ATP2B3: variants seen among roughly 807,000 people sequenced by gnomAD.
The protein encoded by ATP2B3 is plasma membrane calcium-transporting ATPase 3.
Under a neutral mutation model 70.8 loss-of-function variants are expected in ATP2B3, and 12 were observed. That is an observed-to-expected ratio of 0.17 (90% confidence interval 0.11 to 0.27). The LOEUF is 0.27. Among genes scored for constraint, ATP2B3 ranks in the 10% least tolerant of loss-of-function variants. The pLI, the probability that ATP2B3 is intolerant of heterozygous loss-of-function variation, is 1.00. For synonymous variants in ATP2B3, 460 were observed against 497.8 expected (o/e 0.92, Z 1.01); for missense variants, 858 against 1,118.5 (o/e 0.77, Z 3.32).
Position 153,535,200 on chromosome X carries a change from G to A in ATP2B3, c.-126-922G>A, listed in dbSNP as rs2090173334. ...GCGGATCCTTGGGTAAGGTGACGGGGACAGGGAGAGGGATGACAACTTTGC... is the reference window on the plus strand; with the variant it reads ...GCGGATCCTTGGGTAAGGTGACGGGAACAGGGAGAGGGATGACAACTTTGC... On this transcript the variant is annotated intron_variant, in intron 2 of 21. Transcript: ENST00000263519. Among the ~76,000 whole-genome samples the A allele has an allele frequency of 2.7e-5, 3 of 113,016 alleles. No homozygotes were observed. In the Admixed American group the frequency reaches 2.8e-4, roughly 10 times the overall value.
At chrX:153,569,727 C>T (rs1557019341) in intron 21 of ATP2B3, 1 of 1,211,839 alleles carries the variant, frequency 8.3e-7, no homozygotes, top group Non-Finnish European at 1.1e-6. Context: ...GCAATTCTCT[C>T]TGCTGCCAAT....
chrX:153,548,146 G>A lies in ATP2B3; in HGVS notation c.1123+147G>A, dbSNP rs2090398492. The A allele has an allele frequency of 3.2e-5, 25 of 784,086 alleles. No individual in the cohort carries two copies. The South Asian group carries it at 7.3e-4, about 23-fold the overall frequency. The allele number at this position is 784,086 out of a possible 1,213,427, so 64.6% of individuals were successfully genotyped here. On this transcript the variant is annotated intron_variant, in intron 9 of 21. Coordinates refer to ENST00000263519, the MANE Select transcript of ATP2B3 (RefSeq NM_001001344.3). ...GCCAGGCAGGCAAGGGCACAGGCCA[G>A]GCCGGCAGTGGCCATCAGGGCCTGG...
intron 2 of ATP2B3, among the ~76,000 whole-genome samples, chrX:153,528,363 G>A (rs1003024190): frequency 1.8e-5 from 2 of 111,813 alleles, no homozygotes; most frequent in African/African-American, 6.5e-5. Flanking sequence ...TGCTATAGAG[G>A]CTGCTGGCAG....
chrX:153,533,931 G>A (rs1316815202), intron 2 of ATP2B3, among the ~76,000 whole-genome samples: 1 of 112,038 alleles, frequency 8.9e-6, no homozygotes, highest in East Asian at 2.8e-4. Flanking sequence ...CACATGCCAG[G>A]GGAGGGCCAC....
chrX:153,532,387 T>C lies in ATP2B3; in HGVS notation c.-126-3735T>C, dbSNP rs1436157722. Among the ~76,000 whole-genome samples the C allele has an allele frequency of 5.3e-5, 6 of 112,607 alleles. No homozygotes were observed. In the East Asian group the frequency reaches 1.7e-3, roughly 32 times the overall value. On this transcript the variant is annotated intron_variant, in intron 2 of 21. Coordinates refer to ENST00000263519, the MANE Select transcript of ATP2B3 (RefSeq NM_001001344.3). The stretch of plus-strand genomic sequence containing the variant: ...CCCCCAAAGCCAGGGAGGGACAACA[T>C]AGGGGAAAGAGGACCCCTGGGTCTC...
At chrX:153,523,029 T>C (rs1205746170) in intron 2 of ATP2B3, among the ~76,000 whole-genome samples, 2 of 111,625 alleles carry the variant, frequency 1.8e-5, no homozygotes, top group Admixed American at 9.5e-5. Context: ...AAATCCAACA[T>C]CTCCATTTGA....
intron 2 of ATP2B3, among the ~76,000 whole-genome samples, chrX:153,534,716 A>G (rs1557003193): frequency 8.9e-6 from 1 of 112,826 alleles, no homozygotes. Flanking sequence ...CATGGCCATC[A>G]TTTTGTCCCC....
chrX:153,576,032 C>T (rs1449347959), intron 21 of ATP2B3, among the ~76,000 whole-genome samples: 1 of 111,975 alleles, frequency 8.9e-6, no homozygotes, highest in Non-Finnish European at 1.9e-5. Context: ...GGGCATCTCT[C>T]CCGGAAGAGT....
chrX:153,558,307 G>T lies in ATP2B3; in HGVS notation c.2625+4G>T, dbSNP rs782133940. 8.4e-7 allele frequency: 1 copy of T among 1,197,395 alleles called. No homozygotes were observed. The highest frequency in any genetic ancestry group is 3.0e-5 in the East Asian group (1 of 33,275). On this transcript the variant is annotated splice_donor_region_variant and intron_variant, in intron 17 of 21. Coordinates refer to ENST00000263519, the MANE Select transcript of ATP2B3 (RefSeq NM_001001344.3). Reference sequence around the variant, plus strand: ...CACAGGTGCCTGCATTACTCAGGTGGGTACTGGGGGCTGCCATGCCCCAGC... The same window carrying T: ...CACAGGTGCCTGCATTACTCAGGTGTGTACTGGGGGCTGCCATGCCCCAGC...
intron 20 of ATP2B3, among the ~76,000 whole-genome samples, chrX:153,563,136 CTTTT>C (rs36131654): frequency 1.3e-3 from 62 of 48,804 alleles, no homozygotes; most frequent in African/African-American, 4.3e-3. Context: ...CTGGCTTTTC[CTTTT>C]TTTTTTTTTT....
At position 153,575,248 on chromosome X, in the gene ATP2B3, G is replaced by A. The variant is rs190356040; in HGVS notation, c.3343-4730G>A. Among the ~76,000 whole-genome samples the A allele has an allele frequency of 3.3e-3, 374 of 112,850 alleles. 1 individual carries two copies. The highest frequency in any genetic ancestry group is 0.01 in the African/African-American group (319 of 31,096). On this transcript the variant is annotated intron_variant, in intron 21 of 21. Transcript: ENST00000263519. ...GTGTGGGCCCCAGACATTCAGCCCC[G>A]TCCACTGAGCCCCTGCTGGGTGCAG...
rs377140065 is a variant in ATP2B3, at chrX:153,541,522, C to T, written c.372C>T (p.Leu124=). ...LEVAAIVSLG[L]SFYAPPGEES... ...TGGCTGCCATCGTCTCTCTGGGCCT[C>T]TCGTTCTATGCGCCGCCAGGAGAGG... Residue 124 remains leucine (L), a synonymous_variant, in exon 4 of 22, where the codon CTC becomes CTT. Transcript: ENST00000263519. 2.7e-5 allele frequency: 33 copies of T among 1,209,835 alleles called. No homozygotes were observed. Among genetic ancestry groups the T allele is most frequent in the Non-Finnish European group, 3.5e-5 (31 of 895,207 alleles).
At position 153,547,454 on chromosome X, in the gene ATP2B3, C is replaced by G. The variant is rs782603487; in HGVS notation, c.959-381C>G. 3.4e-4 allele frequency among the ~76,000 whole-genome samples: 38 copies of G among 111,078 alleles called. 1 individual carries two copies. The highest frequency in any genetic ancestry group is 1.2e-3 in the African/African-American group (36 of 30,541). On this transcript the variant is annotated intron_variant, in intron 8 of 21. Transcript: ENST00000263519. ...AGGGAGGTAGGAGGTGGCTCGGACA[C>G]CAGTAAGCAGATGAGTCAGCTCAGG...
In ATP2B3 at chrX:153,539,963, G is replaced by C. The variant is rs781795423; in HGVS notation, c.209-1396G>C. On this transcript the variant is annotated intron_variant, in intron 3 of 21. Coordinates refer to ENST00000263519, the MANE Select transcript of ATP2B3 (RefSeq NM_001001344.3). ...AGGGACAGGTGGCTCTGATTGTGAA[G>C]GCAAAGCCAATTTGGGGGCTTCTGA... is the stretch of plus-strand genomic sequence containing the variant. 2.7e-5 allele frequency among the ~76,000 whole-genome samples: 3 copies of C among 113,118 alleles called. No homozygotes were observed. The South Asian group carries it at 1.1e-3, about 41-fold the overall frequency.
intron 17 of ATP2B3, chrX:153,559,523 G>A (rs1324793367): frequency 2.3e-6 from 1 of 427,432 alleles, no homozygotes; most frequent in Non-Finnish European, 4.1e-6. Context: ...CTGCTGCCAG[G>A]TGAGAGAAGG....
At chrX:153,573,454 A>G (rs1184601576) in intron 21 of ATP2B3, among the ~76,000 whole-genome samples, 1 of 112,350 alleles carries the variant, frequency 8.9e-6, no homozygotes, top group African/African-American at 3.2e-5. Context: ...TTTTTCTCAG[A>G]TCTTTGACAG....
Position 153,534,526 on chromosome X carries a change from C to T in ATP2B3, c.-126-1596C>T, listed in dbSNP as rs141608259. ...CTGCAACCCCACAGCTCTTGGCCCT[C>T]GGGCCTGCTGTTCTCCCTGTCCCAG... On this transcript the variant is annotated intron_variant, in intron 2 of 21. Transcript: ENST00000263519. Among the ~76,000 whole-genome samples, 80 of 112,395 alleles carry T rather than the reference C, an allele frequency of 7.1e-4. No individual in the cohort carries two copies. In the East Asian group the frequency reaches 0.02, roughly 29 times the overall value.
At chrX:153,571,782 G>A (rs2090793331) in intron 21 of ATP2B3, among the ~76,000 whole-genome samples, 2 of 112,761 alleles carry the variant, frequency 1.8e-5, no homozygotes, top group African/African-American at 6.4e-5. Context: ...AAGGAGGGCA[G>A]CTGTCCCTTG....
At chrX:153,538,258 G>A (rs1300851416) in intron 3 of ATP2B3, among the ~76,000 whole-genome samples, 1 of 113,288 alleles carries the variant, frequency 8.8e-6, no homozygotes. Context: ...AGCTGGCTTT[G>A]TTGTGCCCCA....
Sources: allele counts gnomAD v4.1 joint callset (sites outside exome capture counted in the v4.1 genomes callset), GRCh38; gene constraint gnomAD v4.1.1; transcripts MANE v1.5; gene names NCBI Gene and HGNC (gene_info 2026-07-23, HGNC 2026-07-21).